CCSER1: variants seen among roughly 807,000 people sequenced by gnomAD.
The protein encoded by CCSER1 is serine-rich coiled-coil domain-containing protein 1.
Under a neutral mutation model 82.0 loss-of-function variants are expected in CCSER1, and 41 were observed. That is an observed-to-expected ratio of 0.50 (90% confidence interval 0.39 to 0.65). The LOEUF is 0.65. Among genes scored for constraint, CCSER1 ranks in the 30% least tolerant of loss-of-function variants. CCSER1 has a pLI of 0.00. For missense variants in CCSER1, 1,119 were observed against 1,064.2 expected (o/e 1.05, Z -0.72); for synonymous variants, 414 against 383.9 (o/e 1.08, Z -0.92).
At chr4:90,870,612 A>G (rs1268017010) in intron 8 of CCSER1, among the ~76,000 whole-genome samples, 1 of 151,756 alleles carries the variant, frequency 6.6e-6, no homozygotes, top group Non-Finnish European at 1.5e-5. Flanking sequence ...GGTTTTTTAC[A>G]TCAATGTTTT....
rs529191327 is a variant in CCSER1 at position 90,147,042 on chromosome 4, AGTT to A, written c.-42+19215_-42+19217del. On this transcript the variant is annotated intron_variant, in intron 1 of 10. Coordinates refer to ENST00000509176, the MANE Select transcript of CCSER1 (RefSeq NM_001145065.2). ...GATTATTTTATTTATTTATTTACTT[AGTT>A]GTTTAATTCATTTGTTCAGTGATTT... Among the ~76,000 whole-genome samples the A allele has an allele frequency of 6.3e-4, 95 of 151,932 alleles. 1 individual carries two copies. Among genetic ancestry groups the A allele is most frequent in the African/African-American group, 2.2e-3 (91 of 41,518 alleles).
chr4:90,227,961 C>A (rs763006365), intron 1 of CCSER1, among the ~76,000 whole-genome samples: 1 of 152,188 alleles, frequency 6.6e-6, no homozygotes, highest in Admixed American at 6.5e-5. Flanking sequence ...GCACCTGGCT[C>A]GGAGGGTCCT....
Position 90,652,140 on chromosome 4 carries a change from T to C in CCSER1, c.1932+23908T>C, listed in dbSNP as rs189227583. Among the ~76,000 whole-genome samples, 724 of 152,300 alleles carry C rather than the reference T, an allele frequency of 4.8e-3. 3 individuals are homozygous for C. The highest frequency in any genetic ancestry group is 0.027 in the Middle Eastern group (8 of 294). On this transcript the variant is annotated intron_variant, in intron 6 of 10. Transcript: ENST00000509176. ...ATTTTCAAATTTAATATGCAAAATT[T>C]TTTCCTGTAGCAATTTAATTTATAA...
At chr4:91,300,391 A>T (rs1744574979) in intron 10 of CCSER1, among the ~76,000 whole-genome samples, 1 of 151,884 alleles carries the variant, frequency 6.6e-6, no homozygotes, top group Non-Finnish European at 1.5e-5. Context: ...AGGAAATAAA[A>T]GTAATGTGTG....
intron 8 of CCSER1, among the ~76,000 whole-genome samples, chr4:90,916,455 C>T (rs7694574): frequency 2.2e-4 from 34 of 151,800 alleles, no homozygotes; most frequent in Admixed American, 1.8e-3. Flanking sequence ...AAAACTGGCT[C>T]GCCATATGGA....
At chr4:90,653,635 G>A (rs1729185426) in intron 6 of CCSER1, among the ~76,000 whole-genome samples, 1 of 151,906 alleles carries the variant, frequency 6.6e-6, no homozygotes, top group Non-Finnish European at 1.5e-5. Context: ...AGTAAATTCA[G>A]CCACCACCAT....
chr4:90,806,351 C>T lies in CCSER1; in HGVS notation c.2011-9411C>T, dbSNP rs192381963. Reference sequence around the variant, plus strand: ...TCAGAAATTTTCCTGGGAATAAAATCTGAGAATTTTTTAAATGAGCATAAT... The same window carrying T: ...TCAGAAATTTTCCTGGGAATAAAATTTGAGAATTTTTTAAATGAGCATAAT... On this transcript the variant is annotated intron_variant, in intron 7 of 10. Coordinates refer to ENST00000509176, the MANE Select transcript of CCSER1 (RefSeq NM_001145065.2). 3.6e-3 allele frequency among the ~76,000 whole-genome samples: 550 copies of T among 152,254 alleles called. 2 individuals are homozygous for T. Among genetic ancestry groups the T allele is most frequent in the Admixed American group, 6.2e-3 (95 of 15,296 alleles).
chr4:90,668,230 C>A lies in CCSER1; in HGVS notation c.1932+39998C>A, dbSNP rs1204505593. The stretch of plus-strand genomic sequence containing the variant: ...ATGATTTTTCTAGGTATAGTAGTCA[C>A]AGTAAATATCTACTGTCACATGTAG... On this transcript the variant is annotated intron_variant, in intron 6 of 10. Coordinates refer to ENST00000509176, the MANE Select transcript of CCSER1 (RefSeq NM_001145065.2). 2.6e-5 allele frequency among the ~76,000 whole-genome samples: 4 copies of A among 152,106 alleles called. No individual in the cohort carries two copies. The East Asian group carries it at 5.8e-4, about 22-fold the overall frequency.
At chr4:90,465,732 C>T (rs989171685) in intron 4 of CCSER1, among the ~76,000 whole-genome samples, 2 of 152,116 alleles carry the variant, frequency 1.3e-5, no homozygotes, top group Non-Finnish European at 2.9e-5. Flanking sequence ...GTGTGTGTCA[C>T]TGATCATGAT....
At chr4:90,302,257 G>A (rs944704245) in intron 1 of CCSER1, among the ~76,000 whole-genome samples, 2 of 152,184 alleles carry the variant, frequency 1.3e-5, no homozygotes, top group Admixed American at 1.3e-4. Context: ...AGACAAAATA[G>A]TAAATTGAGA....
intron 10 of CCSER1, among the ~76,000 whole-genome samples, chr4:91,279,452 A>G (rs999979024): frequency 6.6e-6 from 1 of 150,892 alleles, no homozygotes; most frequent in African/African-American, 2.4e-5. Flanking sequence ...TTTTTCCTTT[A>G]TCTTTGTCTG....
intron 10 of CCSER1, among the ~76,000 whole-genome samples, chr4:91,523,332 TC>T (rs1237395322): frequency 1.3e-5 from 2 of 152,176 alleles, no homozygotes; most frequent in Non-Finnish European, 2.9e-5. Context: ...GGTCTAAAAT[TC>T]TCTTTTATTG....
intron 10 of CCSER1, among the ~76,000 whole-genome samples, chr4:91,439,511 C>G (rs1171195682): frequency 6.6e-6 from 1 of 152,088 alleles, no homozygotes; most frequent in Non-Finnish European, 1.5e-5. Flanking sequence ...CAACCAGTAC[C>G]AGCCACTGCA....
chr4:91,036,343 A>G (rs1236029196), intron 9 of CCSER1, among the ~76,000 whole-genome samples: 1 of 152,190 alleles, frequency 6.6e-6, no homozygotes, highest in African/African-American at 2.4e-5. Flanking sequence ...TTATTTCAAA[A>G]TTAATATTTT....
At chr4:90,259,683 A>G (rs1419877198) in intron 1 of CCSER1, among the ~76,000 whole-genome samples, 1 of 152,126 alleles carries the variant, frequency 6.6e-6, no homozygotes, top group Non-Finnish European at 1.5e-5. Flanking sequence ...GCTGGATTTT[A>G]CCAAGTGCTT....
At chr4:90,395,749 A>G (rs1751857108) in intron 3 of CCSER1, among the ~76,000 whole-genome samples, 1 of 150,284 alleles carries the variant, frequency 6.7e-6, no homozygotes, top group Non-Finnish European at 1.5e-5. Context: ...TTTAAATCCC[A>G]TTTGCTTGTG....
Position 91,563,433 on chromosome 4 carries a change from C to T in CCSER1, c.2218-35139C>T, listed in dbSNP as rs942715799. Among the ~76,000 whole-genome samples the T allele has an allele frequency of 4.0e-5, 6 of 151,530 alleles. No homozygotes were observed. The Admixed American group carries it at 4.0e-4, about 10-fold the overall frequency. ...AATGAAGGATGAAAATCATATGATC[C>T]TTTCAACAGATGCAGAAAAAGCATT... is the stretch of plus-strand genomic sequence containing the variant. On this transcript the variant is annotated intron_variant, in intron 10 of 10. Coordinates refer to ENST00000509176, the MANE Select transcript of CCSER1 (RefSeq NM_001145065.2).
At chr4:90,648,519 C>T (rs1286618204) in intron 6 of CCSER1, among the ~76,000 whole-genome samples, 1 of 58,686 alleles carries the variant, frequency 1.7e-5, no homozygotes, top group Admixed American at 1.6e-4. Context: ...CCCTAACCAC[C>T]AATGTGACTG....
chr4:90,278,874 G>A (rs1004622672), intron 1 of CCSER1, among the ~76,000 whole-genome samples: 4 of 152,066 alleles, frequency 2.6e-5, no homozygotes, highest in African/African-American at 9.7e-5. Context: ...GGTCAAACAA[G>A]TGAAAGTTTG....
Sources: allele counts gnomAD v4.1 joint callset (sites outside exome capture counted in the v4.1 genomes callset), GRCh38; gene constraint gnomAD v4.1.1; transcripts MANE v1.5; gene names NCBI Gene and HGNC (gene_info 2026-07-23, HGNC 2026-07-21).